Variants in TMPRSS6 observed in about 807,000 individuals in gnomAD.
The protein encoded by TMPRSS6 is transmembrane serine protease 6, also known as transmembrane protease serine 6.
In TMPRSS6, 67 loss-of-function variants were observed where a neutral mutation model predicts 101.5. The ratio of observed to expected loss-of-function variants is 0.66; its 90% CI spans 0.54 to 0.81. TMPRSS6 has a LOEUF of 0.81. Ranked by LOEUF, TMPRSS6 falls within the 30% of genes least tolerant of loss-of-function variation. TMPRSS6 has a pLI of 0.00. For synonymous variants in TMPRSS6, 453 were observed against 464.9 expected, an observed-to-expected ratio of 0.97 and a Z score of 0.33; for missense variants, 1,034 against 1,088.7, an observed-to-expected ratio of 0.95 and a Z score of 0.71.
intron 6 of TMPRSS6, 57 bp from the exon 7 acceptor site, chr22:37,089,839 C>T: frequency 6.4e-7 from 1 of 1,555,690 alleles, no homozygotes; most frequent in African/African-American, 1.4e-5. Context: ...GGAGGGGACC[C>T]TGGGGAGCCA....
In TMPRSS6 at chr22:37,074,903, C is replaced by T. The variant is rs543898364; in HGVS notation, c.1343-195G>A. Reference sequence around the variant, plus strand: ...CCAGACACACACACAGAATACACAACACACACGTGGATATGTATGAGTGTG... The same window carrying T: ...CCAGACACACACACAGAATACACAATACACACGTGGATATGTATGAGTGTG... On this transcript the variant is annotated intron_variant, in intron 11 of 17. Transcript: ENST00000676104. Among the ~76,000 whole-genome samples the T allele has an allele frequency of 4.6e-5, 7 of 152,376 alleles. No homozygotes were observed. In the East Asian group the frequency reaches 1.3e-3, roughly 29 times the overall value.
intron 3 of TMPRSS6, among the ~76,000 whole-genome samples, chr22:37,097,041 C>G (rs963386798): frequency 2.0e-5 from 3 of 152,236 alleles, no homozygotes; most frequent in Non-Finnish European, 4.4e-5. Context: ...TGCACCTCCT[C>G]CCATGGCCTG....
Position 37,103,209 on chromosome 22 carries a change from A to G in TMPRSS6, c.202+7T>C, listed in dbSNP as rs1244599192. ...GGTGCCTCTCCCAGGCGGTCCCACAACGTTACCTAGGAAATACCAGAGTAG... is the reference window on the plus strand; with the variant it reads ...GGTGCCTCTCCCAGGCGGTCCCACAGCGTTACCTAGGAAATACCAGAGTAG... On this transcript the variant is annotated splice_region_variant and intron_variant, in intron 2 of 17. Transcript: ENST00000676104. This position sits in a 1 kb window ranked among gnomAD's most constrained non-coding sequence, Gnocchi z 4.4. 1 of 1,613,826 alleles carries G rather than the reference A, an allele frequency of 6.2e-7. No homozygotes were observed. The highest frequency in any genetic ancestry group is 1.1e-5 in the South Asian group (1 of 91,082).
chr22:37,100,883 C>G (rs530202211), intron 2 of TMPRSS6, among the ~76,000 whole-genome samples: 4 of 152,318 alleles, frequency 2.6e-5, no homozygotes, highest in Admixed American at 1.3e-4. Context: ...GGAAAGGACC[C>G]GGTGGCGGCC....
intron 2 of TMPRSS6, among the ~76,000 whole-genome samples, chr22:37,102,578 G>T (rs1309997311): frequency 1.3e-5 from 2 of 152,182 alleles, no homozygotes; most frequent in Non-Finnish European, 2.9e-5. Flanking sequence ...CAGGCCAATT[G>T]CTCCCCGGGC....
At chr22:37,067,103 C>T in intron 16 of TMPRSS6, 141 bp from the exon 17 acceptor site, 1 of 1,200,250 alleles carries the variant, frequency 8.3e-7, no homozygotes, top group South Asian at 1.3e-5. Flanking sequence ...AGGGTCGCAC[C>T]TGCCCCTCTG....
chr22:37,068,335 A>G (rs903060423), intron 16 of TMPRSS6, among the ~76,000 whole-genome samples: 3 of 152,194 alleles, frequency 2.0e-5, no homozygotes, highest in Non-Finnish European at 4.4e-5. Context: ...CAGTTTCCCC[A>G]TCCTTAAAAT....
intron 13 of TMPRSS6, among the ~76,000 whole-genome samples, chr22:37,072,417 A>G (rs1233985028): frequency 8.0e-6 from 1 of 125,274 alleles, no homozygotes; most frequent in African/African-American, 3.1e-5. Flanking sequence ...TGGATGGATG[A>G]TGGATTGATG....
At chr22:37,108,163 T>C (rs1930830291) in intron 1 of TMPRSS6, among the ~76,000 whole-genome samples, 1 of 152,178 alleles carries the variant, frequency 6.6e-6, no homozygotes, top group Non-Finnish European at 1.5e-5. Context: ...CATTTATGGA[T>C]TAAGAGCAGC....
At chr22:37,078,974 A>AG (rs1569006110) in intron 10 of TMPRSS6, among the ~76,000 whole-genome samples, 1 of 378 alleles carries the variant, frequency 2.6e-3, no homozygotes, top group African/African-American at 7.4e-3. Flanking sequence ...AAAGAAAGAA[A>AG]AAGAAAGAAA....
chr22:37,084,235 G>T, intron 10 of TMPRSS6, 60 bp downstream of exon 10: 1 of 1,410,630 alleles, frequency 7.1e-7, no homozygotes, highest in Non-Finnish European at 9.9e-7. Flanking sequence ...CACTATTGAG[G>T]AGGGAAGAGA....
intron 10 of TMPRSS6, among the ~76,000 whole-genome samples, chr22:37,079,009 G>GAAAGAAAGAAAGAAAGAAAA (rs1301695786): frequency 6.6e-6 from 1 of 151,752 alleles, no homozygotes; most frequent in Non-Finnish European, 1.5e-5. Flanking sequence ...AAGAAAGAAA[G>GAAAGAAAGAAAGAAAGAAAA]AAAGAAAGAG....
In TMPRSS6 at chr22:37,069,465, GCCCTCCCTT is replaced by G; in HGVS notation, c.1842-130_1842-122del. ...CCCGGGACAGTGCCCTCCACACCCA[GCCCTCCCTT>G]CCCTCCCTGAAGGTCGCCTAGCTGG... On this transcript the variant is annotated intron_variant, in intron 15 of 17. Transcript: ENST00000676104. The surrounding 1 kb of genome is among the most constrained non-coding windows in gnomAD (Gnocchi z 4.8). The G allele has an allele frequency of 1.0e-6, 1 of 994,360 alleles. No homozygotes were observed. The highest frequency in any genetic ancestry group is 1.5e-6 in the Non-Finnish European group (1 of 679,540). The allele number at this position is 994,360 out of a possible 1,614,324, so 61.6% of individuals were successfully genotyped here. A position where few individuals can be genotyped will look rare whatever the true frequency, so the allele number is the denominator to read the frequency against.
chr22:37,070,139 C>G (rs1414030928), intron 15 of TMPRSS6, among the ~76,000 whole-genome samples: 2 of 152,142 alleles, frequency 1.3e-5, no homozygotes, highest in African/African-American at 2.4e-5. Context: ...AGCTTATGAC[C>G]AGGTTGGGCA....
intron 10 of TMPRSS6, among the ~76,000 whole-genome samples, chr22:37,078,989 G>GAAAGAAAGAAAGAAAGAAAGAAAGA (rs1569006195): frequency 6.7e-6 from 1 of 148,296 alleles, no homozygotes; most frequent in Non-Finnish European, 1.5e-5. Context: ...AAGAAAGAAA[G>GAAAGAAAGAAAGAAAGAAAGAAAGA]AAAGAAAGAA....
At chr22:37,105,331 G>A (rs117102482) in intron 1 of TMPRSS6, among the ~76,000 whole-genome samples, 1 of 152,336 alleles carries the variant, frequency 6.6e-6, no homozygotes, top group East Asian at 1.9e-4. Flanking sequence ...GCTTTTATGG[G>A]GCCAAGGCCA....
Position 37,069,329 on chromosome 22 carries a change from C to G in TMPRSS6, c.1857G>C (p.Val619=), listed in dbSNP as rs1477772617. 13 of 1,394,054 alleles carry G rather than the reference C, an allele frequency of 9.3e-6. No individual in the cohort carries two copies. Among genetic ancestry groups the G allele is most frequent in the Non-Finnish European group, 1.2e-5 (13 of 1,045,506 alleles). 86.4% of individuals were successfully genotyped at this position (1,394,054 alleles called of 1,614,324 possible). A position where few individuals can be genotyped will look rare whatever the true frequency, so the allele number is the denominator to read the frequency against. The change falls in exon 16 of 18, where the codon GTG becomes GTC. Residue 619 remains valine (V), a synonymous_variant. Coordinates refer to ENST00000676104, the MANE Select transcript of TMPRSS6 (RefSeq NM_001374504.1). This position sits in a 1 kb window ranked among gnomAD's most constrained non-coding sequence, Gnocchi z 4.8. ...CCTTGCCCAGGAACACGGTCCACAG[C>G]ACCGTGGAGGCCATGCTGGGGTGGG... ...CFQEDSMAST[V]LWTVFLGKVW...
chr22:37,080,547 C>A (rs567101928), intron 10 of TMPRSS6, among the ~76,000 whole-genome samples: 65 of 152,264 alleles, frequency 4.3e-4, no homozygotes, highest in Non-Finnish European at 7.3e-4. Context: ...AATGCTCATT[C>A]TAAGAATTTC....
At chr22:37,078,973 A>AAAAAG (rs1555888508) in intron 10 of TMPRSS6, among the ~76,000 whole-genome samples, 12 of 106,508 alleles carry the variant, frequency 1.1e-4, no homozygotes, top group African/African-American at 1.5e-4. Context: ...GAAAGAAAGA[A>AAAAAG]AAAGAAAGAA....
Sources: allele counts gnomAD v4.1 joint callset (sites outside exome capture counted in the v4.1 genomes callset), GRCh38; gene constraint gnomAD v4.1.1; non-coding constraint Gnocchi (gnomAD v3.1); transcripts MANE v1.5; gene names NCBI Gene and HGNC (gene_info 2026-07-23, HGNC 2026-07-21).